The following CEP128 variants were observed in gnomAD, a reference collection of about 807,000 sequenced individuals.
CEP128 encodes the protein centrosomal protein 128kDa.
A neutral mutation model predicts 156.7 loss-of-function variants in CEP128; 132 were observed. The observed-to-expected ratio is 0.84, with a 90% CI of 0.73 to 0.97. CEP128 has a LOEUF of 0.97. Among genes scored for constraint, CEP128 ranks in the 50% least tolerant of loss-of-function variants. The pLI is 0.00. For missense variants in CEP128, 1,252 were observed against 1,281.9 expected (o/e 0.98, Z 0.36); for synonymous variants, 469 against 448.9 (o/e 1.04, Z -0.57).
intron 19 of CEP128, among the ~76,000 whole-genome samples, chr14:80,718,778 T>C (rs1897704130): frequency 6.6e-6 from 1 of 152,176 alleles, no homozygotes; most frequent in African/African-American, 2.4e-5. Flanking sequence ...CATGAAAAGC[T>C]GTATCTGATC....
intron 19 of CEP128, among the ~76,000 whole-genome samples, chr14:80,682,971 A>G (rs1896380965): frequency 6.6e-6 from 1 of 152,050 alleles, no homozygotes; most frequent in African/African-American, 2.4e-5. Context: ...AAAGAATGAT[A>G]GCTAGTTGCC....
chr14:80,640,403 A>G (rs1894358454), intron 19 of CEP128, among the ~76,000 whole-genome samples: 1 of 152,178 alleles, frequency 6.6e-6, no homozygotes, highest in Non-Finnish European at 1.5e-5. Flanking sequence ...TCAAGCTACT[A>G]TAAAAGGGCT....
At chr14:80,741,302 C>T (rs968020854) in intron 19 of CEP128, among the ~76,000 whole-genome samples, 2 of 152,080 alleles carry the variant, frequency 1.3e-5, no homozygotes, top group Non-Finnish European at 2.9e-5. Flanking sequence ...TTTTAGTAAA[C>T]CTGATAGTTT....
chr14:80,494,952 G>GA (rs1177574413), downstream of CEP128, among the ~76,000 whole-genome samples: 1 of 152,098 alleles, frequency 6.6e-6, no homozygotes, highest in Admixed American at 6.6e-5. Context: ...TAGCCAATGG[G>GA]AAAAACATTG....
At chr14:80,516,673 T>C (rs547978664) in intron 23 of CEP128, among the ~76,000 whole-genome samples, 1 of 152,166 alleles carries the variant, frequency 6.6e-6, no homozygotes, top group Non-Finnish European at 1.5e-5. Context: ...GCTCCCTCCA[T>C]GGGCATGACT....
At chr14:80,663,188 G>C (rs1036006835) in intron 19 of CEP128, among the ~76,000 whole-genome samples, 1 of 152,104 alleles carries the variant, frequency 6.6e-6, no homozygotes, top group Non-Finnish European at 1.5e-5. Flanking sequence ...TCATGTCAGA[G>C]GCAAAGAAAA....
At position 80,838,224 on chromosome 14, in the gene CEP128, G is replaced by A. The variant is rs1476633409; in HGVS notation, c.904C>T (p.Arg302Ter). Residue 302 changes from arginine (R) to a stop codon, truncating the protein, a stop_gained, in exon 11 of 25, where the codon CGA (arginine) becomes TGA (stop). Coordinates refer to ENST00000555265, the MANE Select transcript of CEP128 (RefSeq NM_152446.5). LOFTEE classifies it high-confidence loss of function. The stretch of plus-strand genomic sequence containing the variant: ...CTTACCTGATGCAAAAGTGTTTCTC[G>A]GCTGCCTTCTGATTGATTCAATAAC... ...RRLLNQSEGS[R>*]ETLLHQVEEL... 14 of 1,612,400 alleles carry A rather than the reference G, an allele frequency of 8.7e-6. No individual in the cohort carries two copies. The highest frequency in any genetic ancestry group is 3.3e-5 in the Admixed American group (2 of 59,924).
chr14:80,514,980 A>T (rs374942494), intron 23 of CEP128, among the ~76,000 whole-genome samples: 36 of 152,268 alleles, frequency 2.4e-4, no homozygotes, highest in African/African-American at 8.7e-4. Context: ...AGTCTTGCAG[A>T]CTCATAGAGG....
chr14:80,759,928 G>A (rs2139679072), intron 17 of CEP128, among the ~76,000 whole-genome samples: 1 of 139,146 alleles, frequency 7.2e-6, no homozygotes, highest in South Asian at 2.3e-4. Context: ...GTGTGTGTGT[G>A]TGTGTATACA....
At chr14:80,913,986 C>A (rs1443661416) in intron 4 of CEP128, among the ~76,000 whole-genome samples, 1 of 152,010 alleles carries the variant, frequency 6.6e-6, no homozygotes, top group Non-Finnish European at 1.5e-5. Context: ...TAACAATAAA[C>A]ACATATTACT....
At chr14:80,563,835 C>G (rs1454165140) in intron 20 of CEP128, among the ~76,000 whole-genome samples, 1 of 151,826 alleles carries the variant, frequency 6.6e-6, no homozygotes, top group Non-Finnish European at 1.5e-5. Context: ...GTGCCCAGCC[C>G]AAGTCTTTTT....
exon 15 of CEP128, chr14:80,477,642 A>T (rs1431124720): frequency 3.3e-5 from 5 of 152,206 alleles, no homozygotes; most frequent in Non-Finnish European, 7.3e-5. Flanking sequence ...AAGCTTAGCG[A>T]GTTCTAAGGA....
intron 5 of CEP128, chr14:80,905,550 C>A: frequency 6.0e-6 from 1 of 166,914 alleles, no homozygotes; most frequent in Non-Finnish European, 1.3e-5. Flanking sequence ...TATCTACCTG[C>A]ATGCCAAGAC....
intron 9 of CEP128, among the ~76,000 whole-genome samples, chr14:80,860,338 T>C (rs923223037): frequency 1.3e-5 from 2 of 152,172 alleles, no homozygotes; most frequent in African/African-American, 4.8e-5. Flanking sequence ...TGATCTCCTA[T>C]TGTATTGTCA....
intron 2 of CEP128, among the ~76,000 whole-genome samples, chr14:80,950,674 G>A (rs1333564148): frequency 6.6e-6 from 1 of 152,108 alleles, no homozygotes; most frequent in Non-Finnish European, 1.5e-5. Context: ...CCTAATAAGT[G>A]CAATAATTGG....
chr14:80,608,872 T>C (rs143205093), intron 19 of CEP128, among the ~76,000 whole-genome samples: 3 of 152,300 alleles, frequency 2.0e-5, no homozygotes, highest in East Asian at 1.9e-4. Context: ...GGTTTTCTTA[T>C]TTACCTGATC....
At chr14:80,630,949 G>C (rs1308473054) in intron 19 of CEP128, among the ~76,000 whole-genome samples, 2 of 151,908 alleles carry the variant, frequency 1.3e-5, no homozygotes, top group Non-Finnish European at 2.9e-5. Context: ...TTACCCATGG[G>C]CAACTGTAAA....
chr14:80,949,924 T>C (rs1420294911), intron 2 of CEP128, among the ~76,000 whole-genome samples: 1 of 152,088 alleles, frequency 6.6e-6, no homozygotes, highest in Non-Finnish European at 1.5e-5. Context: ...ACAAGGACAC[T>C]GTTGTATGTT....
intron 13 of CEP128, among the ~76,000 whole-genome samples, chr14:80,801,863 G>T (rs577224589): frequency 7.9e-6 from 1 of 125,976 alleles, no homozygotes; most frequent in African/African-American, 2.9e-5. Context: ...AGCCGAGATT[G>T]TGCCACTGCA....
Sources: gnomAD v4.1 joint callset for allele counts (sites outside exome capture counted in the v4.1 genomes callset) on GRCh38, gnomAD v4.1.1 for gene constraint, MANE v1.5 for transcripts, NCBI Gene and HGNC (gene_info 2026-07-23, HGNC 2026-07-21) for gene names.